Variants in ARSG observed in about 807,000 individuals in gnomAD.
ARSG encodes the protein ASG.
ARSG carries 37 observed loss-of-function variants against 50.5 expected under a neutral mutation model. That is an observed-to-expected ratio of 0.73 (90% confidence interval 0.56 to 0.96). The LOEUF (loss-of-function observed/expected upper bound fraction) is 0.96. Among genes scored for constraint, ARSG ranks in the 50% least tolerant of loss-of-function variants. The pLI is 0.00. For synonymous variants in ARSG, 225 were observed against 254.6 expected, an observed-to-expected ratio of 0.88 and a Z score of 1.11; for missense variants, 629 against 675.3, an observed-to-expected ratio of 0.93 and a Z score of 0.76.
chr17:68,402,682 G>A (rs543568588), intron 11 of ARSG, among the ~76,000 whole-genome samples: 15 of 151,814 alleles, frequency 9.9e-5, no homozygotes, highest in South Asian at 6.3e-4. Context: ...CCGCCACCTC[G>A]CCCGCCTTAT....
At chr17:68,375,210 G>A (rs543923207) in intron 8 of ARSG, among the ~76,000 whole-genome samples, 1 of 152,330 alleles carries the variant, frequency 6.6e-6, no homozygotes, top group East Asian at 1.9e-4. Context: ...ACGCTGATGT[G>A]GTTGGTCCAG....
intron 2 of ARSG, among the ~76,000 whole-genome samples, chr17:68,314,262 C>A (rs1274883660): frequency 6.6e-6 from 1 of 151,986 alleles, no homozygotes; most frequent in Non-Finnish European, 1.5e-5. Context: ...CACAGTGGCT[C>A]ACACCTGTAA....
chr17:68,442,603 A>G, the ARSG span, among the ~76,000 whole-genome samples: 1 of 152,076 alleles, frequency 6.6e-6, no homozygotes, highest in Non-Finnish European at 1.5e-5. Flanking sequence ...CCCTCTCTTC[A>G]GAGAAACTGA....
chr17:68,382,971 C>T (rs2080509189), intron 8 of ARSG, among the ~76,000 whole-genome samples: 1 of 152,146 alleles, frequency 6.6e-6, no homozygotes, highest in Non-Finnish European at 1.5e-5. Context: ...TTCTCTCAGC[C>T]AATCTTTTTC....
downstream of ARSG, chr17:68,427,339 C>T: frequency 9.8e-7 from 1 of 1,020,462 alleles, no homozygotes; most frequent in South Asian, 1.4e-5. Context: ...CATGAAGAAG[C>T]CTGTGCTCAG....
At chr17:68,449,802 C>A in the ARSG span, among the ~76,000 whole-genome samples, 4 of 152,138 alleles carry the variant, frequency 2.6e-5, no homozygotes, top group Non-Finnish European at 1.5e-5. Context: ...TCCGGTAGTT[C>A]TTTAGAGTAA....
At chr17:68,270,343 C>G (rs1568403202) in intron 1 of ARSG, among the ~76,000 whole-genome samples, 1 of 152,094 alleles carries the variant, frequency 6.6e-6, no homozygotes, top group Non-Finnish European at 1.5e-5. Flanking sequence ...ATCACGAGGT[C>G]AAGAGATTGA....
At chr17:68,368,502 C>A (rs1414785037) in intron 6 of ARSG, 46 bp from the exon 7 acceptor site, 1 of 1,579,520 alleles carries the variant, frequency 6.3e-7, no homozygotes, top group Non-Finnish European at 8.7e-7. Flanking sequence ...ACCAGATGAG[C>A]CAGGAGAGCC....
At chr17:68,374,174 A>G (rs79140675) in intron 8 of ARSG, among the ~76,000 whole-genome samples, 2 of 132,452 alleles carry the variant, frequency 1.5e-5, no homozygotes, top group Admixed American at 8.0e-5. Context: ...AAAAAAAAAA[A>G]AGAAACAAGA....
chr17:68,389,549 A>G (rs2080894772), intron 9 of ARSG, among the ~76,000 whole-genome samples: 1 of 152,162 alleles, frequency 6.6e-6, no homozygotes, highest in African/African-American at 2.4e-5. Flanking sequence ...AAAGAAATTT[A>G]CAACTCAGTG....
At chr17:68,335,354 C>A (rs189992537) in intron 2 of ARSG, among the ~76,000 whole-genome samples, 2 of 152,026 alleles carry the variant, frequency 1.3e-5, no homozygotes, top group South Asian at 2.1e-4. Context: ...GAGATTGAGA[C>A]CATCCTGGCT....
At chr17:68,439,442 T>C in the ARSG span, among the ~76,000 whole-genome samples, 3 of 152,072 alleles carry the variant, frequency 2.0e-5, no homozygotes, top group Non-Finnish European at 4.4e-5. Flanking sequence ...CATAATCTAA[T>C]AGAGACAGAA....
chr17:68,321,355 G>A (rs1256869945), intron 2 of ARSG, among the ~76,000 whole-genome samples: 2 of 152,192 alleles, frequency 1.3e-5, no homozygotes, highest in Admixed American at 6.5e-5. Context: ...GAATAAGTCA[G>A]CTGTGTTCCC....
rs561974375 is a variant in ARSG at position 68,344,378 on chromosome 17, A to G, written c.406+587A>G. On this transcript the variant is annotated intron_variant, in intron 3 of 11. Coordinates refer to ENST00000621439, the MANE Select transcript of ARSG (RefSeq NM_001267727.2). ...TCCCTTTGAACAAAACCACAGTTCT[A>G]TTAGCAGGATACATGGGGACATGGG... Among the ~76,000 whole-genome samples the G allele has an allele frequency of 2.6e-5, 4 of 152,362 alleles. No individual in the cohort carries two copies. The East Asian group carries it at 5.8e-4, about 22-fold the overall frequency.
intron 2 of ARSG, among the ~76,000 whole-genome samples, chr17:68,331,805 G>A (rs534337286): frequency 2.9e-4 from 44 of 152,320 alleles, no homozygotes; most frequent in African/African-American, 1.0e-3. Context: ...GACATCACAT[G>A]TTGGCAGGTT....
chr17:68,303,534 C>T (rs748690964), intron 1 of ARSG, among the ~76,000 whole-genome samples: 9 of 152,092 alleles, frequency 5.9e-5, no homozygotes, highest in African/African-American at 9.7e-5. Flanking sequence ...CTGCAACCCC[C>T]GCCTCCCAGG....
chr17:68,446,305 C>T, the ARSG span, among the ~76,000 whole-genome samples: 2 of 152,134 alleles, frequency 1.3e-5, no homozygotes, highest in South Asian at 2.1e-4. Flanking sequence ...CCCAGCCTCT[C>T]GGGTGGCAGG....
the ARSG span, among the ~76,000 whole-genome samples, chr17:68,429,745 T>C: frequency 2.0e-5 from 3 of 152,038 alleles, no homozygotes; most frequent in Non-Finnish European, 4.4e-5. Context: ...CGCACCACCA[T>C]ACCCGGCTAA....
the ARSG span, chr17:68,430,227 A>C: frequency 1.6e-5 from 24 of 1,512,734 alleles, no homozygotes; most frequent in Non-Finnish European, 2.1e-5. Context: ...AGGAATCTCC[A>C]CACCCAAGCG....
Sources: allele counts gnomAD v4.1 joint callset (sites outside exome capture counted in the v4.1 genomes callset), GRCh38; gene constraint gnomAD v4.1.1; transcripts MANE v1.5; gene names NCBI Gene and HGNC (gene_info 2026-07-23, HGNC 2026-07-21).